Variants in PLCB4 observed in about 807,000 individuals in gnomAD.
PLCB4 encodes the protein phospholipase C beta 4.
PLCB4 carries 77 observed loss-of-function variants against 178.8 expected under a neutral mutation model. That is an observed-to-expected ratio of 0.43 (90% confidence interval 0.36 to 0.52). The LOEUF (loss-of-function observed/expected upper bound fraction) is 0.52, where lower values mean the gene tolerates loss of function less well. Ranked by LOEUF, PLCB4 falls within the 20% of genes least tolerant of loss-of-function variation. PLCB4 has a pLI of 0.00. For synonymous variants in PLCB4, 496 were observed against 490.8 expected, an observed-to-expected ratio of 1.01 and a Z score of -0.14; for missense variants, 1,024 against 1,453.4, an observed-to-expected ratio of 0.70 and a Z score of 4.80.
intron 4 of PLCB4, among the ~76,000 whole-genome samples, chr20:9,312,113 C>A (rs2094841515): frequency 6.6e-6 from 1 of 152,042 alleles, no homozygotes; most frequent in Non-Finnish European, 1.5e-5. Flanking sequence ...TTGGAATCTC[C>A]AGAATTCATC....
rs767467260 is a variant in PLCB4, at chr20:9,408,734, A to C, written c.1874+17A>C. On this transcript the variant is annotated intron_variant, in intron 23 of 39. Transcript: ENST00000378473. ...ATTTGTCAAGTATCCTTATGTATCA[A>C]GTGGAATGAGTGGTTGACTCACGTT... The C allele has an allele frequency of 3.1e-6, 4 of 1,305,334 alleles. No homozygotes were observed. In the African/African-American group the frequency reaches 5.8e-5, roughly 19 times the overall value. 80.9% of individuals were successfully genotyped at this position (1,305,334 alleles called of 1,614,324 possible).
At chr20:9,374,196 C>G (rs1264057728) in intron 12 of PLCB4, among the ~76,000 whole-genome samples, 1 of 152,124 alleles carries the variant, frequency 6.6e-6, no homozygotes, top group African/African-American at 2.4e-5. Context: ...TGTAAATGCA[C>G]TGATGCAAGA....
intron 4 of PLCB4, among the ~76,000 whole-genome samples, chr20:9,327,763 G>A (rs530792147): frequency 5.9e-5 from 9 of 151,992 alleles, no homozygotes; most frequent in South Asian, 2.1e-4. Flanking sequence ...GTGACAGAGC[G>A]AGACTCCATC....
intron 1 of PLCB4, among the ~76,000 whole-genome samples, chr20:9,084,672 G>T (rs980014627): frequency 6.6e-6 from 1 of 151,994 alleles, no homozygotes; most frequent in Non-Finnish European, 1.5e-5. Flanking sequence ...ATCACCAATG[G>T]AGAAATAAAA....
intron 2 of PLCB4, among the ~76,000 whole-genome samples, chr20:9,197,084 G>T (rs1217200117): frequency 6.6e-6 from 1 of 152,206 alleles, no homozygotes; most frequent in Non-Finnish European, 1.5e-5. Flanking sequence ...TGGGTGAAAT[G>T]CCTGGGGCTG....
At chr20:9,258,562 A>C (rs1262415116) in intron 3 of PLCB4, among the ~76,000 whole-genome samples, 1 of 151,900 alleles carries the variant, frequency 6.6e-6, no homozygotes, top group Non-Finnish European at 1.5e-5. Flanking sequence ...TAAAAATACC[A>C]AAATTAGCCG....
At chr20:9,356,803 T>C (rs2034865998) in intron 7 of PLCB4, among the ~76,000 whole-genome samples, 1 of 152,194 alleles carries the variant, frequency 6.6e-6, no homozygotes, top group Non-Finnish European at 1.5e-5. Flanking sequence ...ATGCCAACTT[T>C]TTCTTATCTC....
chr20:9,411,165 T>C, intron 25 of PLCB4, 77 bp downstream of exon 25: 1 of 938,412 alleles, frequency 1.1e-6, no homozygotes. Flanking sequence ...CATGTCATTT[T>C]CAATTAGGGG....
intron 1 of PLCB4, among the ~76,000 whole-genome samples, chr20:9,078,724 G>A (rs1470912011): frequency 6.6e-6 from 1 of 152,184 alleles, no homozygotes; most frequent in Non-Finnish European, 1.5e-5. Flanking sequence ...CTAGGTCACT[G>A]ATTGATTCCT....
intron 1 of PLCB4, among the ~76,000 whole-genome samples, chr20:9,094,685 A>T (rs1419580059): frequency 6.6e-6 from 1 of 152,202 alleles, no homozygotes; most frequent in Non-Finnish European, 1.5e-5. Context: ...TTTTGAAACA[A>T]ATCCATATTT....
intron 2 of PLCB4, among the ~76,000 whole-genome samples, chr20:9,139,434 G>A (rs2092444866): frequency 6.6e-6 from 1 of 152,060 alleles, no homozygotes; most frequent in African/African-American, 2.4e-5. Context: ...TTATTGGATG[G>A]GAGTTCAGCT....
At chr20:9,109,728 G>A (rs1385514804) in intron 2 of PLCB4, among the ~76,000 whole-genome samples, 1 of 152,198 alleles carries the variant, frequency 6.6e-6, no homozygotes, top group East Asian at 1.9e-4. Flanking sequence ...GCCAGCCACA[G>A]ATGGACTAAG....
chr20:9,309,407 A>T (rs2094805642), intron 4 of PLCB4, among the ~76,000 whole-genome samples: 1 of 152,200 alleles, frequency 6.6e-6, no homozygotes, highest in Non-Finnish European at 1.5e-5. Context: ...CCATTGAATG[A>T]ATAAGAGGCG....
intron 1 of PLCB4, among the ~76,000 whole-genome samples, chr20:9,069,831 T>G (rs530507674): frequency 6.6e-6 from 1 of 152,354 alleles, no homozygotes; most frequent in South Asian, 2.1e-4. Flanking sequence ...TAAGTGCAAC[T>G]TTATCTAGAA....
intron 12 of PLCB4, among the ~76,000 whole-genome samples, chr20:9,374,711 G>T (rs1252855731): frequency 1.3e-5 from 2 of 152,148 alleles, no homozygotes; most frequent in Non-Finnish European, 2.9e-5. Context: ...GAGGATAAGT[G>T]CAGTATTTAT....
intron 2 of PLCB4, among the ~76,000 whole-genome samples, chr20:9,133,268 CT>C (rs1198939503): frequency 1.3e-5 from 2 of 152,008 alleles, no homozygotes; most frequent in South Asian, 2.1e-4. Flanking sequence ...GTTGCAATTA[CT>C]TTTTTTTGTT....
chr20:9,460,122 C>G (rs1363474980), intron 35 of PLCB4, among the ~76,000 whole-genome samples: 3 of 152,196 alleles, frequency 2.0e-5, no homozygotes, highest in Non-Finnish European at 4.4e-5. Context: ...TGGCCCCTGC[C>G]ATCAGAGGGC....
intron 2 of PLCB4, among the ~76,000 whole-genome samples, chr20:9,110,278 C>G (rs1209716460): frequency 6.6e-6 from 1 of 151,792 alleles, no homozygotes; most frequent in African/African-American, 2.4e-5. Context: ...AAAATAACAA[C>G]TTACACTGAT....
chr20:9,210,685 G>A (rs557420240), intron 2 of PLCB4, among the ~76,000 whole-genome samples: 13 of 151,616 alleles, frequency 8.6e-5, no homozygotes, highest in South Asian at 4.2e-4. Context: ...GTTAATAACC[G>A]GCTCAAACTC....
Sources: allele counts gnomAD v4.1 joint callset (sites outside exome capture counted in the v4.1 genomes callset), GRCh38; gene constraint gnomAD v4.1.1; transcripts MANE v1.5; gene names NCBI Gene and HGNC (gene_info 2026-07-23, HGNC 2026-07-21).